Variants in TRPM8 observed in about 807,000 individuals in gnomAD.
TRPM8 encodes the protein transient receptor potential cation channel subfamily M member 8.
TRPM8 carries 110 observed loss-of-function variants against 133.7 expected under a neutral mutation model. The ratio of observed to expected loss-of-function variants is 0.82; its 90% CI spans 0.70 to 0.96. The LOEUF (loss-of-function observed/expected upper bound fraction) is 0.96. TRPM8 is among the 40% of genes least tolerant of loss of function. The pLI, the probability that TRPM8 is intolerant of heterozygous loss-of-function variation, is 0.00. For missense variants in TRPM8, 1,291 were observed against 1,379.5 expected (o/e 0.94, Z 1.02); for synonymous variants, 535 against 532.3 (o/e 1.01, Z -0.07).
chr2:233,981,745 A>T, intron 18 of TRPM8, 29 bp from the exon 19 acceptor site: 1 of 1,580,310 alleles, frequency 6.3e-7, no homozygotes, highest in South Asian at 1.2e-5. Flanking sequence ...TCAATATCTC[A>T]TGAATTCTGT....
chr2:234,006,999 A>G, intron 23 of TRPM8, 47 bp downstream of exon 23: 2 of 1,444,874 alleles, frequency 1.4e-6, no homozygotes, highest in African/African-American at 1.4e-5. Flanking sequence ...CTCTGTAGAC[A>G]TAAGCCCATA....
At chr2:233,960,692 G>A (rs1691410568) in intron 11 of TRPM8, 84 bp from the exon 12 acceptor site, 1 of 1,024,158 alleles carries the variant, frequency 9.8e-7, no homozygotes, top group East Asian at 2.4e-5. Context: ...GAAATACAGT[G>A]CTACTGAGGA....
chr2:233,985,782 C>A lies in TRPM8; in HGVS notation c.2856C>A (p.Pro952=). Residue 952 remains proline, a synonymous_variant, in exon 21 of 26, where the codon CCC becomes CCA. Coordinates refer to ENST00000324695, the MANE Select transcript of TRPM8 (RefSeq NM_024080.5). ...ATGAGCACAACCTGCCCCGGTTCCC[C>A]GAGTGGATCACCATCCCCCTGGTGT... ...ELDEHNLPRF[P]EWITIPLVCI... The A allele has an allele frequency of 6.2e-7, 1 of 1,614,148 alleles. No individual in the cohort carries two copies. Among genetic ancestry groups the A allele is most frequent in the Middle Eastern group, 1.6e-4 (1 of 6,062 alleles).
intron 14 of TRPM8, among the ~76,000 whole-genome samples, chr2:233,965,650 A>C: frequency 6.6e-6 from 1 of 152,194 alleles, no homozygotes; most frequent in East Asian, 1.9e-4. Flanking sequence ...TCATGAGTTT[A>C]GCTTGTCCAT....
intron 1 of TRPM8, 96 bp from the exon 2 acceptor site, chr2:233,926,437 G>A: frequency 1.1e-6 from 1 of 884,322 alleles, no homozygotes. Flanking sequence ...TGGCAAAGGG[G>A]AGAGGGTGGA....
chr2:233,986,148 C>G (rs1393491815), intron 21 of TRPM8, among the ~76,000 whole-genome samples: 2 of 152,210 alleles, frequency 1.3e-5, no homozygotes, highest in Non-Finnish European at 2.9e-5. Context: ...CTTTGGAGCT[C>G]CATGAGGTTG....
At chr2:233,955,318 C>G in intron 11 of TRPM8, 68 bp downstream of exon 11, 2 of 1,151,888 alleles carry the variant, frequency 1.7e-6, no homozygotes, top group Admixed American at 3.7e-5. Context: ...AATGTCTGAT[C>G]CATTTCCAAC....
At chr2:234,008,301 C>A (rs548398460) in intron 24 of TRPM8, among the ~76,000 whole-genome samples, 198 bp downstream of exon 24, 1 of 152,206 alleles carries the variant, frequency 6.6e-6, no homozygotes, top group Admixed American at 6.5e-5. Context: ...TGAAGTCCCA[C>A]TTCCATGATG....
chr2:233,960,639 C>A, intron 11 of TRPM8, 137 bp from the exon 12 acceptor site: 1 of 689,412 alleles, frequency 1.5e-6, no homozygotes, highest in Non-Finnish European at 2.4e-6. Context: ...ATTCTCAAGA[C>A]AGGATTGAAA....
At chr2:233,968,730 A>G (rs1691635578) in intron 15 of TRPM8, among the ~76,000 whole-genome samples, 2 of 151,638 alleles carry the variant, frequency 1.3e-5, no homozygotes, top group African/African-American at 4.8e-5. Context: ...TTGACGGGCT[A>G]TTTTTTGAGA....
At chr2:234,009,985 G>A (rs551988112) in intron 24 of TRPM8, among the ~76,000 whole-genome samples, 1 of 152,060 alleles carries the variant, frequency 6.6e-6, no homozygotes, top group Non-Finnish European at 1.5e-5. Context: ...GTATGTGTGA[G>A]GGAATTAGAT....
intron 15 of TRPM8, 92 bp downstream of exon 15, chr2:233,966,847 C>T (rs1487119538): frequency 2.9e-6 from 4 of 1,389,594 alleles, no homozygotes; most frequent in Non-Finnish European, 3.8e-6. Context: ...TAAAAACAAA[C>T]CTTATTCTCC....
At chr2:234,007,040 G>A in intron 23 of TRPM8, 88 bp downstream of exon 23, 2 of 889,886 alleles carry the variant, frequency 2.2e-6, no homozygotes, top group Non-Finnish European at 3.6e-6. Flanking sequence ...AGCAAACTCA[G>A]TAAAGAGCAT....
intron 5 of TRPM8, among the ~76,000 whole-genome samples, chr2:233,941,378 C>T (rs1315962612): frequency 2.0e-5 from 3 of 152,102 alleles, no homozygotes; most frequent in African/African-American, 4.8e-5. Context: ...GATTTATGCC[C>T]CGTGAGAGCT....
At chr2:233,961,093 GAGT>G (rs757676312) in intron 12 of TRPM8, 27 bp downstream of exon 12, 19 of 1,601,752 alleles carry the variant, frequency 1.2e-5, no homozygotes, top group Non-Finnish European at 1.6e-5. Context: ...TTGCCTGCTT[GAGT>G]TCTCGGATAT....
At chr2:234,014,053 T>C (rs1430246590) in intron 24 of TRPM8, among the ~76,000 whole-genome samples, 2 of 152,180 alleles carry the variant, frequency 1.3e-5, no homozygotes, top group African/African-American at 2.4e-5. Flanking sequence ...GAAACATGCA[T>C]GGATCAAGAT....
At chr2:233,953,219 G>A (rs1033678273) in intron 9 of TRPM8, among the ~76,000 whole-genome samples, 1 of 152,056 alleles carries the variant, frequency 6.6e-6, no homozygotes, top group African/African-American at 2.4e-5. Context: ...CTGAGACTTC[G>A]TCTCCCACCC....
In TRPM8 at chr2:233,966,504, G is replaced by A. The variant is rs924270506; in HGVS notation, c.1880-106G>A. On this transcript the variant is annotated intron_variant, in intron 14 of 25. Coordinates refer to ENST00000324695, the MANE Select transcript of TRPM8 (RefSeq NM_024080.5). Reference sequence around the variant, plus strand: ...ATGCCTTTTGTAAGAATGGACTCACGCACAGGCTATTTTTGGATTCAGGGG... The same window carrying A: ...ATGCCTTTTGTAAGAATGGACTCACACACAGGCTATTTTTGGATTCAGGGG... The A allele has an allele frequency of 6.6e-5, 92 of 1,391,130 alleles. 1 individual carries two copies. In the South Asian group the frequency reaches 7.7e-4, roughly 12 times the overall value. 86.2% of individuals were successfully genotyped at this position (1,391,130 alleles called of 1,614,324 possible).
intron 11 of TRPM8, among the ~76,000 whole-genome samples, chr2:233,960,388 G>A (rs953928607): frequency 6.6e-6 from 1 of 152,146 alleles, no homozygotes; most frequent in African/African-American, 2.4e-5. Context: ...GGTGGTTCCA[G>A]CTCTACTACT....
Sources: allele counts gnomAD v4.1 joint callset (sites outside exome capture counted in the v4.1 genomes callset), GRCh38; gene constraint gnomAD v4.1.1; transcripts MANE v1.5; gene names NCBI Gene and HGNC (gene_info 2026-07-23, HGNC 2026-07-21).